The following CPSF1 variants were observed in gnomAD, a reference collection of about 807,000 sequenced individuals.
CPSF1 encodes cleavage and polyadenylation specific factor 1.
A neutral mutation model predicts 175.8 loss-of-function variants in CPSF1; 106 were observed. The ratio of observed to expected loss-of-function variants is 0.60; its 90% confidence interval spans 0.52 to 0.71. The LOEUF (loss-of-function observed/expected upper bound fraction) is 0.71. CPSF1 is among the 30% of genes least tolerant of loss of function. CPSF1 has a pLI of 0.00. For synonymous variants in CPSF1, 1,024 were observed against 858.3 expected, an observed-to-expected ratio of 1.19 and a Z score of -3.37; for missense variants, 1,734 against 2,022.9, an observed-to-expected ratio of 0.86 and a Z score of 2.74.
intron 2 of CPSF1, among the ~76,000 whole-genome samples, chr8:144,404,634 T>C (rs1821395380): frequency 6.6e-6 from 1 of 151,426 alleles, no homozygotes; most frequent in African/African-American, 2.4e-5. Flanking sequence ...CCTGCCAAAG[T>C]GCTGGGATTA....
rs1189832763 is a variant in CPSF1 at position 144,395,105 on chromosome 8, T to G, written c.3265A>C (p.Asn1089His). Reference sequence around the variant, plus strand: ...CCGCCGGCCCAGCCTCACCTGGCATTGGGAATAGCCTCCCAGCTGACCGGG... The same window carrying G: ...CCGCCGGCCCAGCCTCACCTGGCATGGGGAATAGCCTCCCAGCTGACCGGG... ...ISPVSWEAIP[N>H]ARIELQEWEH... Residue 1089 changes from asparagine to histidine, a missense_variant, in exon 29 of 38, where the codon AAT (asparagine) becomes CAT (histidine). By Grantham distance (68) the Asn-to-His change is moderately conservative (BLOSUM62 1). Transcript: ENST00000616140. 1 of 1,609,978 alleles carries G rather than the reference T, an allele frequency of 6.2e-7. No individual in the cohort carries two copies. The highest frequency in any genetic ancestry group is 2.2e-5 in the East Asian group (1 of 44,798).
intron 2 of CPSF1, among the ~76,000 whole-genome samples, chr8:144,402,525 G>A (rs1295135418): frequency 3.9e-5 from 6 of 152,000 alleles, no homozygotes; most frequent in South Asian, 2.1e-4. Flanking sequence ...GGCTGGTCTC[G>A]AACTCCTGAC....
intron 37 of CPSF1, 39 bp downstream of exon 37, chr8:144,393,413 G>A (rs1191435468): frequency 6.6e-6 from 10 of 1,521,324 alleles, no homozygotes; most frequent in Admixed American, 6.0e-5. Flanking sequence ...GGATGCACAC[G>A]GAGGGGCGGG....
In CPSF1 at chr8:144,395,103, A is replaced by C; in HGVS notation, c.3267T>G (p.Asn1089Lys). The C allele has an allele frequency of 6.2e-7, 1 of 1,610,076 alleles. No homozygotes were observed. The highest frequency in any genetic ancestry group is 2.2e-5 in the East Asian group (1 of 44,804). The change falls in exon 29 of 38, where the codon AAT becomes AAG. Residue 1089 changes from asparagine to lysine, a missense_variant. This residue lies in a region of CPSF1 where 585 missense variants were observed against 584.7 expected (regional missense o/e 1.00). Coordinates refer to ENST00000616140, the MANE Select transcript of CPSF1 (RefSeq NM_013291.3). ...ISPVSWEAIP[N>K]ARIELQEWEH... Reference sequence around the variant, plus strand: ...CCCCGCCGGCCCAGCCTCACCTGGCATTGGGAATAGCCTCCCAGCTGACCG... The same window carrying C: ...CCCCGCCGGCCCAGCCTCACCTGGCCTTGGGAATAGCCTCCCAGCTGACCG...
At chr8:144,402,253 A>G (rs2116890062) in intron 2 of CPSF1, among the ~76,000 whole-genome samples, 10 of 152,192 alleles carry the variant, frequency 6.6e-5, no homozygotes, top group African/African-American at 2.2e-4. Context: ...TAGCAGATTT[A>G]TATGCCATTG....
Position 144,394,767 on chromosome 8 carries a change from C to T in CPSF1, c.3444G>A (p.Val1148=), listed in dbSNP as rs782450076. 1.2e-5 allele frequency: 19 copies of T among 1,613,442 alleles called. No homozygotes were observed. The highest frequency in any genetic ancestry group is 1.5e-5 in the Non-Finnish European group (18 of 1,179,960). Residue 1148 remains valine, a synonymous_variant, in exon 31 of 38, where the codon GTG becomes GTA. Transcript: ENST00000616140. ...RILIMDVIEV[V]PEPGQPLTKN... The stretch of plus-strand genomic sequence containing the variant: ...TGGTCAAGGGCTGGCCAGGCTCGGG[C>T]ACCACCTCAATCACATCCATGATCA...
chr8:144,408,866 G>T, intron 2 of CPSF1, 149 bp downstream of exon 2: 1 of 925,584 alleles, frequency 1.1e-6, no homozygotes, highest in East Asian at 2.7e-5. Flanking sequence ...GAGCACAAGA[G>T]ATTCAGGGTC....
rs782506639 is a variant in CPSF1, at chr8:144,395,237, G to C, written c.3187+28C>G. The C allele has an allele frequency of 3.1e-6, 5 of 1,613,024 alleles. No individual in the cohort carries two copies. In the South Asian group the frequency reaches 5.5e-5, roughly 18 times the overall value. ...AGGGCTTCCCCAAGATGCGGCTGAG[G>C]ATGGGAGTATGGTGTGGGCGTCACC... On this transcript the variant is annotated intron_variant, in intron 28 of 37. Transcript: ENST00000616140.
chr8:144,402,270 G>A (rs140275310), intron 2 of CPSF1, among the ~76,000 whole-genome samples: 4 of 152,292 alleles, frequency 2.6e-5, no homozygotes, highest in Non-Finnish European at 5.9e-5. Flanking sequence ...ATTGCCTCAA[G>A]GCAAGGGAAA....
chr8:144,401,329 G>A (rs2116883663), intron 4 of CPSF1, 38 bp from the exon 5 acceptor site: 22 of 1,599,886 alleles, frequency 1.4e-5, no homozygotes, highest in African/African-American at 4.0e-5. Context: ...GCCGACTGCC[G>A]GTCCTGACAG....
At chr8:144,396,169 C>G in intron 26 of CPSF1, 179 bp downstream of exon 26, 1 of 685,222 alleles carries the variant, frequency 1.5e-6, no homozygotes. Flanking sequence ...CACCCCTTTC[C>G]AGACCTTTGG....
intron 26 of CPSF1, chr8:144,395,958 C>G (rs1554863566): frequency 2.5e-6 from 1 of 392,164 alleles, no homozygotes. Flanking sequence ...CTCAAGTGAC[C>G]TGGTGGTGTG....
At chr8:144,393,420 C>A (rs1311408972) in intron 37 of CPSF1, 32 bp downstream of exon 37, 2 of 493,518 alleles carry the variant, frequency 4.1e-6, no homozygotes, top group African/African-American at 6.5e-5. Flanking sequence ...CACGGAGGGG[C>A]GGGGCGCGCG....
Position 144,393,451 on chromosome 8 carries a change from CTA to C in CPSF1, c.4283_4284del (p.Ile1428AsnfsTer?). ...LAKKIGTTPD[I>X]ILDDLLETDR... ...GCGCGGGGGGCGGGGCGCGCACTCACTATGTCTGGTGTGGTGCCGATCTTCTT... is the reference window on the plus strand; with the variant it reads ...GCGCGGGGGGCGGGGCGCGCACTCACTGTCTGGTGTGGTGCCGATCTTCTT... On this transcript the variant is annotated frameshift_variant and splice_region_variant, in exon 37 of 38. Transcript: ENST00000616140. LOFTEE classifies it high-confidence loss of function. 1 of 1,550,200 alleles carries C rather than the reference CTA, an allele frequency of 6.5e-7. No homozygotes were observed. Among genetic ancestry groups the C allele is most frequent in the Non-Finnish European group, 8.7e-7 (1 of 1,147,882 alleles).
chr8:144,406,113 A>T (rs2116904072), intron 2 of CPSF1, among the ~76,000 whole-genome samples: 6 of 152,206 alleles, frequency 3.9e-5, no homozygotes, highest in Non-Finnish European at 7.3e-5. Flanking sequence ...GCTTGAGCAC[A>T]GGAGTTCGAG....
chr8:144,401,686 GAA>G lies in CPSF1; in HGVS notation c.145-15_145-14del, dbSNP rs1554867319. 6.2e-7 allele frequency: 1 copy of G among 1,603,050 alleles called. No individual in the cohort carries two copies. Among genetic ancestry groups the G allele is most frequent in the Non-Finnish European group, 8.5e-7 (1 of 1,174,924 alleles). ...TCTTGGTCAGAGCCTGGAGGGGAGA[GAA>G]AGACAGGGCAGTGAGGGGCCACATC... On this transcript the variant is annotated splice_polypyrimidine_tract_variant and intron_variant, in intron 2 of 37. Coordinates refer to ENST00000616140, the MANE Select transcript of CPSF1 (RefSeq NM_013291.3).
intron 37 of CPSF1, 30 bp downstream of exon 37, chr8:144,393,422 G>A (rs535107203): frequency 6.6e-6 from 10 of 1,525,860 alleles, no homozygotes; most frequent in Admixed American, 2.0e-5. Flanking sequence ...CGGAGGGGCG[G>A]GGCGCGCGGG....
At chr8:144,400,576 A>AC (rs1821140422) in intron 7 of CPSF1, 83 bp from the exon 8 acceptor site, 2 of 1,605,002 alleles carry the variant, frequency 1.2e-6, no homozygotes, top group South Asian at 2.2e-5. Flanking sequence ...GCCCCACCAC[A>AC]CCCCATAGGC....
chr8:144,393,372 G>A lies in CPSF1; in HGVS notation c.4285-7C>T, dbSNP rs1564681093. 1.4e-6 allele frequency: 2 copies of A among 1,415,818 alleles called. No individual in the cohort carries two copies. Among genetic ancestry groups the A allele is most frequent in the Non-Finnish European group, 1.9e-6 (2 of 1,053,350 alleles). 87.7% of individuals were successfully genotyped at this position (1,415,818 alleles called of 1,614,324 possible). On this transcript the variant is annotated splice_region_variant and splice_polypyrimidine_tract_variant and intron_variant, in intron 37 of 37. Coordinates refer to ENST00000616140, the MANE Select transcript of CPSF1 (RefSeq NM_013291.3). The stretch of plus-strand genomic sequence containing the variant: ...CCAGCAAGTCGTCCAGGATCTGCAG[G>A]GGATGGAAGGGTGGGTGGGTGGGTG...
Sources: allele counts gnomAD v4.1 joint callset (sites outside exome capture counted in the v4.1 genomes callset), GRCh38; gene constraint gnomAD v4.1.1; regional missense constraint gnomAD v4.1.1; transcripts MANE v1.5; gene names NCBI Gene and HGNC (gene_info 2026-07-23, HGNC 2026-07-21).